Variants in AMPD3 observed in about 807,000 individuals in gnomAD.
AMPD3 encodes the protein adenosine monophosphate deaminase 3, also known as AMP deaminase 3.
Under a neutral mutation model 82.3 loss-of-function variants are expected in AMPD3, and 57 were observed. The observed-to-expected ratio is 0.69, with a 90% CI of 0.56 to 0.86. The LOEUF is 0.86. Among genes scored for constraint, AMPD3 ranks in the 40% least tolerant of loss-of-function variants. The probability of loss-of-function intolerance (pLI) is 0.00; values close to 1 mark genes in which losing one functional copy is unlikely to be tolerated. For missense variants in AMPD3, 870 were observed against 1,003.8 expected, an observed-to-expected ratio of 0.87 and a Z score of 1.80; for synonymous variants, 381 against 394.7, an observed-to-expected ratio of 0.97 and a Z score of 0.41.
intron 2 of AMPD3, among the ~76,000 whole-genome samples, chr11:10,476,598 AG>A (rs1026161331): frequency 6.6e-6 from 1 of 151,896 alleles, no homozygotes; most frequent in African/African-American, 2.4e-5. Context: ...TTTGGAGGTG[AG>A]GTTGCATGGA....
upstream of AMPD3, chr11:10,451,150 T>C: frequency 4.0e-6 from 6 of 1,504,376 alleles, no homozygotes; most frequent in Non-Finnish European, 5.3e-6. Flanking sequence ...GCTTCCGCCT[T>C]CCCTGCTCGC....
chr11:10,500,443 TCA>T, intron 11 of AMPD3, 194 bp downstream of exon 11: 1 of 548,686 alleles, frequency 1.8e-6, no homozygotes, highest in Non-Finnish European at 2.3e-6. Flanking sequence ...CTCCACATGA[TCA>T]CACACATGCA....
intron 3 of AMPD3, among the ~76,000 whole-genome samples, chr11:10,479,559 A>C (rs1379717860): frequency 6.6e-6 from 1 of 152,260 alleles, no homozygotes; most frequent in African/African-American, 2.4e-5. Flanking sequence ...AAAATTTAAA[A>C]GATACAAAAA....
At chr11:10,451,017 G>T (rs1484265350), upstream of AMPD3, 3 of 1,581,466 alleles carry the variant, frequency 1.9e-6, no homozygotes, top group East Asian at 6.9e-5. Context: ...CTTTCGGCCG[G>T]CGGCATGGCC....
At chr11:10,472,098 G>A (rs777927821) in intron 2 of AMPD3, among the ~76,000 whole-genome samples, 1 of 152,142 alleles carries the variant, frequency 6.6e-6, no homozygotes, top group Non-Finnish European at 1.5e-5. Flanking sequence ...TATACACCAT[G>A]GAATACTATG....
Position 10,456,358 on chromosome 11 carries a change from T to C in AMPD3, c.-6+910T>C, listed in dbSNP as rs1848093773. ...GCAGGCAGCACCTCACCCGGGTGCA[T>C]CACTTGAGTGGCATCTTCAGGACCA... On this transcript the variant is annotated intron_variant, in intron 1 of 14. Transcript: ENST00000396553. This position sits in a 1 kb window ranked among gnomAD's most constrained non-coding sequence, Gnocchi z 4.3. 2 of 1,613,496 alleles carry C rather than the reference T, an allele frequency of 1.2e-6. No homozygotes were observed. Among genetic ancestry groups the C allele is most frequent in the African/African-American group, 2.7e-5 (2 of 74,912 alleles).
chr11:10,464,215 T>C (rs1190002801), intron 2 of AMPD3, among the ~76,000 whole-genome samples: 1 of 152,222 alleles, frequency 6.6e-6, no homozygotes, highest in Non-Finnish European at 1.5e-5. Context: ...CAGGGAACAA[T>C]AGCAGCTCCT....
Position 10,501,503 on chromosome 11 carries a change from G to A in AMPD3, c.1755G>A (p.Pro585=), listed in dbSNP as rs774345890. ...ERGLSTFLFR[P]HCGEAGSITH... is the part of the protein sequence containing the mutation. ...GCCTGAGCACGTTCCTGTTCCGGCC[G>A]CACTGTGGGGAAGCCGGCTCCATCA... Residue 585 remains proline (P), a synonymous_variant, in exon 12 of 15, where the codon CCG becomes CCA. Coordinates refer to ENST00000396553, the MANE Select transcript of AMPD3 (RefSeq NM_001025389.2). 40 of 1,614,086 alleles carry A rather than the reference G, an allele frequency of 2.5e-5. No homozygotes were observed. In the Middle Eastern group the frequency reaches 8.3e-4, roughly 33 times the overall value.
chr11:10,473,383 G>C (rs1248505921), intron 2 of AMPD3: 2 of 985,248 alleles, frequency 2.0e-6, no homozygotes. Flanking sequence ...AGGAAGGGCA[G>C]CTGGGAAGGA....
rs541932884 is a variant in AMPD3 at position 10,493,687 on chromosome 11, C to T, written c.1134+144C>T. Reference sequence around the variant, plus strand: ...TCTATCTGACTGAGAGGTCATGCGGCCTCAGAGAATAACAGGTCTGGGGCA... The same window carrying T: ...TCTATCTGACTGAGAGGTCATGCGGTCTCAGAGAATAACAGGTCTGGGGCA... On this transcript the variant is annotated intron_variant, in intron 7 of 14. Coordinates refer to ENST00000396553, the MANE Select transcript of AMPD3 (RefSeq NM_001025389.2). 2.3e-5 allele frequency: 22 copies of T among 948,206 alleles called. No individual in the cohort carries two copies. The African/African-American group carries it at 2.6e-4, about 11-fold the overall frequency. The allele number at this position is 948,206 out of a possible 1,614,324, so 58.7% of individuals were successfully genotyped here.
At chr11:10,467,352 C>T (rs1230642714) in intron 2 of AMPD3, among the ~76,000 whole-genome samples, 1 of 151,920 alleles carries the variant, frequency 6.6e-6, no homozygotes, top group African/African-American at 2.4e-5. Flanking sequence ...AAACACAGCA[C>T]GAGAACATTG....
At chr11:10,503,213 G>C (rs1280655119) in intron 13 of AMPD3, among the ~76,000 whole-genome samples, 1 of 152,172 alleles carries the variant, frequency 6.6e-6, no homozygotes, top group Non-Finnish European at 1.5e-5. Context: ...CTGTAAAATG[G>C]AGATAAAATT....
intron 6 of AMPD3, among the ~76,000 whole-genome samples, chr11:10,491,081 G>A (rs11042850): frequency 0.056 from 8,496 of 152,294 alleles, 311 homozygotes; most frequent in Non-Finnish European, 0.084. Context: ...TCAGCCAGCC[G>A]TGGACAGCAT....
intron 2 of AMPD3, among the ~76,000 whole-genome samples, chr11:10,474,606 TAAC>T (rs965705894): frequency 6.6e-6 from 1 of 152,200 alleles, no homozygotes; most frequent in Non-Finnish European, 1.5e-5. Flanking sequence ...TAAGATGCTG[TAAC>T]AACAGCCCAG....
Position 10,505,768 on chromosome 11 carries a change from C to T in AMPD3, c.2188C>T (p.Arg730Ter), listed in dbSNP as rs755071594. ...AGAAGGACCTGAAGGAAATGATATT[C>T]GAAAGACAAATGTGGCTCAGATCCG... is the stretch of plus-strand genomic sequence containing the variant. Reference protein sequence around the residue: ...YKEGPEGNDIRKTNVAQIRMA... With the variant: ...YKEGPEGNDI Residue 730 changes from arginine (R) to a stop codon, truncating the protein, a stop_gained, in exon 15 of 15, where the codon CGA becomes TGA. Coordinates refer to ENST00000396553, the MANE Select transcript of AMPD3 (RefSeq NM_001025389.2). LOFTEE classifies it high-confidence loss of function. 21 of 1,614,006 alleles carry T rather than the reference C, an allele frequency of 1.3e-5. No individual in the cohort carries two copies. The South Asian group carries it at 1.6e-4, about 13-fold the overall frequency.
chr11:10,484,932 CAAG>C lies in AMPD3; in HGVS notation c.707_709del (p.Lys236del). On this transcript the variant is annotated inframe_deletion, in exon 5 of 15. Coordinates refer to ENST00000396553, the MANE Select transcript of AMPD3 (RefSeq NM_001025389.2). Reference sequence around the variant, plus strand: ...GGGGCATCCTCTTTGTGTATGATAACAAGAAGATGCTGGAGCACCAGGAGCCGC... The same window carrying C: ...GGGGCATCCTCTTTGTGTATGATAACAAGATGCTGGAGCACCAGGAGCCGC... 1 of 1,614,128 alleles carries C rather than the reference CAAG, an allele frequency of 6.2e-7. No individual in the cohort carries two copies. The highest frequency in any genetic ancestry group is 8.5e-7 in the Non-Finnish European group (1 of 1,180,014).
rs1453822639 is a variant in AMPD3, at chr11:10,455,876, C to T, written c.-6+428C>T. 8.1e-6 allele frequency: 8 copies of T among 983,448 alleles called. No homozygotes were observed. The East Asian group carries it at 9.1e-4, about 112-fold the overall frequency. 60.9% of individuals were successfully genotyped at this position (983,448 alleles called of 1,614,324 possible). On this transcript the variant is annotated intron_variant, in intron 1 of 14. Transcript: ENST00000396553. ...TCGGGCTGTACCTGAGACCAATCCC[C>T]TTGATAAAATGCAGCCAGGCCTGAA... is the stretch of plus-strand genomic sequence containing the variant.
chr11:10,488,853 G>T (rs1203757974), intron 6 of AMPD3, among the ~76,000 whole-genome samples: 1 of 152,148 alleles, frequency 6.6e-6, no homozygotes, highest in Admixed American at 6.5e-5. Flanking sequence ...GGAGGATGTG[G>T]CTCCTCTGGG....
At position 10,502,857 on chromosome 11, in the gene AMPD3, T is replaced by C; in HGVS notation, c.1979T>C (p.Leu660Pro). The change falls in exon 13 of 15, where the codon CTT (leucine) becomes CCT (proline). Residue 660 changes from leucine to proline, a missense_variant. Physicochemically the swap from Leu to Pro is moderately conservative, Grantham distance 98. Transcript: ENST00000396553. Reference sequence around the variant, plus strand: ...CTACACAAGGGACTGCATGTTTCTCTTTCCACCGATGACCCCATGCAGTTC... The same window carrying C: ...CTACACAAGGGACTGCATGTTTCTCCTTCCACCGATGACCCCATGCAGTTC... ...EFLHKGLHVS[L>P]STDDPMQFHY... 1 of 1,614,196 alleles carries C rather than the reference T, an allele frequency of 6.2e-7. No individual in the cohort carries two copies. Among genetic ancestry groups the C allele is most frequent in the Non-Finnish European group, 8.5e-7 (1 of 1,180,032 alleles).
Sources: gnomAD v4.1 joint callset for allele counts (sites outside exome capture counted in the v4.1 genomes callset) on GRCh38, gnomAD v4.1.1 for gene constraint, Gnocchi (gnomAD v3.1) non-coding constraint, MANE v1.5 for transcripts, NCBI Gene and HGNC (gene_info 2026-07-23, HGNC 2026-07-21) for gene names.